STK39: variants seen among roughly 807,000 people sequenced by gnomAD.
STK39 encodes the protein serine/threonine kinase 39.
STK39 carries 20 observed loss-of-function variants against 77.8 expected under a neutral mutation model. The observed-to-expected ratio is 0.26, with a 90% confidence interval of 0.18 to 0.37. STK39 has a LOEUF of 0.37. STK39 is among the 10% of genes least tolerant of loss of function. STK39 has a pLI of 1.00. For synonymous variants in STK39, 246 were observed against 234.1 expected (o/e 1.05, Z -0.47); for missense variants, 479 against 656.5 (o/e 0.73, Z 2.95).
chr2:168,220,989 CTT>C (rs377484257), intron 1 of STK39, among the ~76,000 whole-genome samples: 42 of 152,208 alleles, frequency 2.8e-4, no homozygotes, highest in African/African-American at 5.5e-4. Flanking sequence ...GGTGATTCCT[CTT>C]GTTTCCTGGG....
chr2:168,143,942 G>T (rs1688063403), intron 5 of STK39, among the ~76,000 whole-genome samples: 1 of 152,166 alleles, frequency 6.6e-6, no homozygotes, highest in African/African-American at 2.4e-5. Context: ...ATGCTGAACA[G>T]GTGCACCAGC....
intron 16 of STK39, among the ~76,000 whole-genome samples, chr2:168,006,697 C>CG (rs1188032004): frequency 6.6e-6 from 1 of 152,178 alleles, no homozygotes; most frequent in East Asian, 1.9e-4. Context: ...CACCCACCCG[C>CG]GAGGCCTTGC....
rs1362380461 is a variant in STK39, at chr2:168,039,346, A to G, written c.1377-22251T>C. On this transcript the variant is annotated intron_variant, in intron 14 of 17. Coordinates refer to ENST00000355999, the MANE Select transcript of STK39 (RefSeq NM_013233.3). ...GGTGGCTCACGCCTGTAATCCCAGC[A>G]CTTTGGGAGGCCGAGGCGGGTGGAT... Among the ~76,000 whole-genome samples, 2 of 81,142 alleles carry G rather than the reference A, an allele frequency of 2.5e-5. 1 individual carries two copies. The highest frequency in any genetic ancestry group is 6.5e-5 in the Non-Finnish European group (2 of 30,762). 53.2% of individuals were successfully genotyped at this position (81,142 alleles called of 152,430 possible).
intron 17 of STK39, chr2:167,964,298 C>T (rs564633950): frequency 5.1e-4 from 92 of 179,024 alleles, no homozygotes; most frequent in African/African-American, 2.1e-3. Context: ...AACCACTTGG[C>T]TTTTGTCTTA....
intron 16 of STK39, among the ~76,000 whole-genome samples, chr2:167,985,435 C>T (rs1683534008): frequency 6.6e-6 from 1 of 152,118 alleles, no homozygotes. Flanking sequence ...AGGGTCATGC[C>T]AGGGTTCCCA....
intron 12 of STK39, among the ~76,000 whole-genome samples, chr2:168,066,381 T>C (rs756151701): frequency 5.3e-5 from 8 of 152,228 alleles, no homozygotes; most frequent in Non-Finnish European, 8.8e-5. Flanking sequence ...ATAAAATGTT[T>C]TAATGTTGCT....
At chr2:168,243,891 C>G (rs1320750400) in intron 1 of STK39, among the ~76,000 whole-genome samples, 1 of 152,104 alleles carries the variant, frequency 6.6e-6, no homozygotes, top group Admixed American at 6.5e-5. Context: ...GTAGGGGTAC[C>G]TACTTTTGGG....
At chr2:168,214,572 G>A (rs958891983) in intron 1 of STK39, among the ~76,000 whole-genome samples, 1 of 152,178 alleles carries the variant, frequency 6.6e-6, no homozygotes, top group East Asian at 1.9e-4. Context: ...AAACAACGTC[G>A]TGAATGTACT....
At chr2:168,012,896 T>C (rs1254901753) in intron 15 of STK39, among the ~76,000 whole-genome samples, 194 bp from the exon 16 acceptor site, 1 of 152,244 alleles carries the variant, frequency 6.6e-6, no homozygotes, top group African/African-American at 2.4e-5. Context: ...TCTTGCTATT[T>C]ATTCAACAGA....
At chr2:167,958,389 A>T (rs1385499113) in intron 17 of STK39, among the ~76,000 whole-genome samples, 4 of 152,246 alleles carry the variant, frequency 2.6e-5, no homozygotes, top group African/African-American at 4.8e-5. Flanking sequence ...AAAACATTTT[A>T]AAAATATTCC....
chr2:167,956,736 C>CCA (rs1288280639), intron 17 of STK39, among the ~76,000 whole-genome samples: 1 of 49,552 alleles, frequency 2.0e-5, no homozygotes, highest in Non-Finnish European at 4.6e-5. Context: ...TCTCCCCCCC[C>CCA]GCCCCCTCAG....
At chr2:168,067,126 G>A (rs1362292446) in intron 12 of STK39, among the ~76,000 whole-genome samples, 1 of 152,190 alleles carries the variant, frequency 6.6e-6, no homozygotes, top group African/African-American at 2.4e-5. Flanking sequence ...AGAGGCTGAG[G>A]CGCAAGAATC....
chr2:168,057,087 T>A (rs1237262692), intron 14 of STK39, among the ~76,000 whole-genome samples: 1 of 152,222 alleles, frequency 6.6e-6, no homozygotes, highest in Non-Finnish European at 1.5e-5. Context: ...ACACAAGAGA[T>A]CAGCTTGACA....
chr2:168,167,549 AG>A (rs1444496130), intron 2 of STK39, 142 bp from the exon 3 acceptor site: 2 of 646,792 alleles, frequency 3.1e-6, no homozygotes, highest in Non-Finnish European at 5.4e-6. Flanking sequence ...ACTTCAAAGA[AG>A]GTATATAAGG....
intron 1 of STK39, among the ~76,000 whole-genome samples, chr2:168,230,010 G>C (rs1223662378): frequency 6.6e-6 from 1 of 152,186 alleles, no homozygotes; most frequent in African/African-American, 2.4e-5. Context: ...AACAACGAGA[G>C]TGTACACAAG....
chr2:168,046,143 G>A (rs969536963), intron 14 of STK39, among the ~76,000 whole-genome samples: 13 of 152,100 alleles, frequency 8.5e-5, no homozygotes, highest in African/African-American at 2.2e-4. Context: ...TGAGGCGGGC[G>A]GATCACGAGG....
chr2:167,967,442 T>C (rs906254308), intron 16 of STK39, among the ~76,000 whole-genome samples: 2 of 151,884 alleles, frequency 1.3e-5, no homozygotes, highest in African/African-American at 2.4e-5. Flanking sequence ...GAACAGTTAA[T>C]TTTTTTTCTA....
chr2:168,205,629 C>A (rs1689722167), intron 1 of STK39, among the ~76,000 whole-genome samples: 1 of 151,862 alleles, frequency 6.6e-6, no homozygotes, highest in Non-Finnish European at 1.5e-5. Flanking sequence ...CCAGCCTGGT[C>A]AGTATAGCAA....
At chr2:168,033,554 C>T (rs948925717) in intron 14 of STK39, among the ~76,000 whole-genome samples, 1 of 152,202 alleles carries the variant, frequency 6.6e-6, no homozygotes, top group African/African-American at 2.4e-5. Flanking sequence ...CTCTAAAACG[C>T]TGTTCCTGAG....
Sources: gnomAD v4.1 joint callset for allele counts (sites outside exome capture counted in the v4.1 genomes callset) on GRCh38, gnomAD v4.1.1 for gene constraint, MANE v1.5 for transcripts, NCBI Gene and HGNC (gene_info 2026-07-23, HGNC 2026-07-21) for gene names.